The following CDH18 variants were observed in gnomAD, a reference collection of about 807,000 sequenced individuals.
CDH18 encodes cadherin-18.
A neutral mutation model predicts 67.9 loss-of-function variants in CDH18; 31 were observed. That is an observed-to-expected ratio of 0.46 (90% CI 0.34 to 0.62). The LOEUF (loss-of-function observed/expected upper bound fraction) is 0.62, where lower values mean the gene tolerates loss of function less well. CDH18 is among the 20% of genes least tolerant of loss of function. The pLI is 0.01. For missense variants in CDH18, 890 were observed against 975.5 expected, an observed-to-expected ratio of 0.91 and a Z score of 1.17; for synonymous variants, 362 against 347.2, an observed-to-expected ratio of 1.04 and a Z score of -0.48.
intron 2 of CDH18, among the ~76,000 whole-genome samples, chr5:20,208,096 G>A (rs1740055147): frequency 6.6e-6 from 1 of 152,110 alleles, no homozygotes; most frequent in African/African-American, 2.4e-5. Flanking sequence ...CCAATGCCGA[G>A]TAAATTATAA....
intron 2 of CDH18, among the ~76,000 whole-genome samples, chr5:19,883,734 A>G (rs1787908190): frequency 6.6e-6 from 1 of 152,108 alleles, no homozygotes; most frequent in Non-Finnish European, 1.5e-5. Context: ...TTTTAAGGCA[A>G]AATGTTTATT....
At chr5:20,549,934 AT>A (rs1327808417) in intron 1 of CDH18, among the ~76,000 whole-genome samples, 1 of 152,222 alleles carries the variant, frequency 6.6e-6, no homozygotes, top group Non-Finnish European at 1.5e-5. Flanking sequence ...TGAAGTAAAA[AT>A]ATCAGTGACC....
intron 1 of CDH18, among the ~76,000 whole-genome samples, chr5:20,307,290 T>A (rs1489173970): frequency 6.6e-6 from 1 of 152,124 alleles, no homozygotes; most frequent in Non-Finnish European, 1.5e-5. Flanking sequence ...TTTTTTTTTT[T>A]TAAATAACAT....
At chr5:20,296,984 A>C (rs2149957342) in intron 1 of CDH18, among the ~76,000 whole-genome samples, 1 of 151,982 alleles carries the variant, frequency 6.6e-6, no homozygotes, top group African/African-American at 2.4e-5. Flanking sequence ...TTTATTTTAT[A>C]TTTATTCTGA....
chr5:20,357,418 AT>A (rs1741724070), intron 1 of CDH18, among the ~76,000 whole-genome samples: 2 of 152,226 alleles, frequency 1.3e-5, no homozygotes, highest in Admixed American at 1.3e-4. Flanking sequence ...ACTGCAAAAA[AT>A]ATACCAAAAT....
chr5:19,815,276 G>C (rs1779164793), intron 3 of CDH18, among the ~76,000 whole-genome samples: 2 of 151,912 alleles, frequency 1.3e-5, no homozygotes, highest in Admixed American at 6.6e-5. Context: ...ATGTCATCAT[G>C]TTGTCATTTG....
At chr5:20,368,921 T>A (rs1220818606) in intron 1 of CDH18, among the ~76,000 whole-genome samples, 2 of 152,214 alleles carry the variant, frequency 1.3e-5, no homozygotes, top group East Asian at 3.9e-4. Flanking sequence ...AATTTATGAC[T>A]CTTTGAATTT....
At chr5:20,047,285 C>T (rs1214002665) in intron 2 of CDH18, among the ~76,000 whole-genome samples, 1 of 151,708 alleles carries the variant, frequency 6.6e-6, no homozygotes, top group Non-Finnish European at 1.5e-5. Context: ...ATATGGTGAA[C>T]ATCAATAAAT....
intron 1 of CDH18, among the ~76,000 whole-genome samples, chr5:20,439,100 T>G (rs1749403333): frequency 6.6e-6 from 1 of 151,612 alleles, no homozygotes; most frequent in African/African-American, 2.4e-5. Context: ...GCTCACCTCC[T>G]GATTTTAGAA....
intron 2 of CDH18, among the ~76,000 whole-genome samples, chr5:20,083,943 G>A (rs1308034108): frequency 1.3e-5 from 2 of 151,964 alleles, no homozygotes; most frequent in African/African-American, 4.8e-5. Context: ...ATTTGGGTGG[G>A]GACACAGCCA....
At chr5:20,195,483 A>G (rs1370453250) in intron 2 of CDH18, among the ~76,000 whole-genome samples, 1 of 152,044 alleles carries the variant, frequency 6.6e-6, no homozygotes, top group Non-Finnish European at 1.5e-5. Flanking sequence ...CACATATAAT[A>G]TTATTAAATA....
At chr5:19,917,102 T>A (rs1325070490) in intron 2 of CDH18, among the ~76,000 whole-genome samples, 1 of 152,180 alleles carries the variant, frequency 6.6e-6, no homozygotes, top group Non-Finnish European at 1.5e-5. Context: ...ATTTTACTAG[T>A]TTCATGATAG....
chr5:19,707,122 C>T (rs962211688), intron 5 of CDH18, among the ~76,000 whole-genome samples: 9 of 152,078 alleles, frequency 5.9e-5, no homozygotes, highest in South Asian at 2.1e-4. Flanking sequence ...CATCTAAAGC[C>T]GTACTATGAG....
At chr5:19,814,025 G>A (rs1166641800) in intron 3 of CDH18, among the ~76,000 whole-genome samples, 2 of 151,842 alleles carry the variant, frequency 1.3e-5, no homozygotes, top group African/African-American at 2.4e-5. Context: ...TAGGGATGAG[G>A]AGGATAGGAG....
chr5:20,574,457 C>T (rs1031494423), intron 1 of CDH18, among the ~76,000 whole-genome samples: 3 of 151,786 alleles, frequency 2.0e-5, no homozygotes, highest in Non-Finnish European at 4.4e-5. Context: ...GAGCAATTCT[C>T]GGGGTAAAAT....
chr5:20,401,097 AGT>A (rs1396535090), intron 1 of CDH18, among the ~76,000 whole-genome samples: 3 of 152,312 alleles, frequency 2.0e-5, no homozygotes, highest in Non-Finnish European at 2.9e-5. Flanking sequence ...ACATTTTTCC[AGT>A]GTTTTTGAAT....
chr5:20,010,018 T>C (rs551027094), intron 2 of CDH18, among the ~76,000 whole-genome samples: 14 of 152,242 alleles, frequency 9.2e-5, no homozygotes, highest in South Asian at 4.1e-4. Flanking sequence ...ATAATCTTAT[T>C]TATTTTCTTT....
At chr5:19,619,534 G>A (rs1471883674) in intron 5 of CDH18, among the ~76,000 whole-genome samples, 6 of 152,130 alleles carry the variant, frequency 3.9e-5, no homozygotes, top group African/African-American at 1.4e-4. Context: ...AATATGCATG[G>A]CAATATTGGA....
intron 2 of CDH18, among the ~76,000 whole-genome samples, chr5:20,097,293 G>T (rs1241605807): frequency 6.6e-6 from 1 of 152,026 alleles, no homozygotes; most frequent in African/African-American, 2.4e-5. Context: ...AAGAAAAATA[G>T]GTTTAATCGA....
Sources: gnomAD v4.1 joint callset for allele counts (sites outside exome capture counted in the v4.1 genomes callset) on GRCh38, gnomAD v4.1.1 for gene constraint, MANE v1.5 for transcripts, NCBI Gene and HGNC (gene_info 2026-07-23, HGNC 2026-07-21) for gene names.